IFT140: variants seen among roughly 807,000 people sequenced by gnomAD.
IFT140 encodes intraflagellar transport 140.
A neutral mutation model predicts 164.6 loss-of-function variants in IFT140; 133 were observed. That is an observed-to-expected ratio of 0.81 (90% CI 0.70 to 0.93). The LOEUF (loss-of-function observed/expected upper bound fraction) is 0.93, where lower values mean the gene tolerates loss of function less well. Ranked by LOEUF, IFT140 falls within the 40% of genes least tolerant of loss-of-function variation. The probability of loss-of-function intolerance (pLI) is 0.00; values close to 1 mark genes in which losing one functional copy is unlikely to be tolerated. For missense variants in IFT140, 2,045 were observed against 1,972.3 expected, an observed-to-expected ratio of 1.04 and a Z score of -0.70; for synonymous variants, 860 against 817.3, an observed-to-expected ratio of 1.05 and a Z score of -0.89.
chr16:1,526,839 C>G (rs2040716608), intron 19 of IFT140, 43 bp from the exon 20 acceptor site: 1 of 1,571,762 alleles, frequency 6.4e-7, no homozygotes, highest in African/African-American at 1.3e-5. Flanking sequence ...CCCAGCACCT[C>G]AGGGCCCCCT....
chr16:1,543,208 G>A (rs575441489), intron 19 of IFT140, among the ~76,000 whole-genome samples: 3 of 152,380 alleles, frequency 2.0e-5, no homozygotes, highest in Admixed American at 6.5e-5. Context: ...TCTCCTCCTC[G>A]AGGCCGGTGC....
At chr16:1,579,874 G>A (rs1377517434) in intron 13 of IFT140, among the ~76,000 whole-genome samples, 2 of 151,022 alleles carry the variant, frequency 1.3e-5, no homozygotes, top group Non-Finnish European at 2.9e-5. Flanking sequence ...TGAGGCAGGA[G>A]AATCGCTTGT....
intron 4 of IFT140, among the ~76,000 whole-genome samples, chr16:1,594,602 A>T (rs1296061989): frequency 6.6e-6 from 1 of 152,196 alleles, no homozygotes; most frequent in Non-Finnish European, 1.5e-5. Context: ...TGGGGTAAGA[A>T]GTGAAGTCCT....
chr16:1,542,842 C>T (rs2031779538), intron 19 of IFT140, among the ~76,000 whole-genome samples: 1 of 152,232 alleles, frequency 6.6e-6, no homozygotes, highest in South Asian at 2.1e-4. Flanking sequence ...TCAGAGCCTC[C>T]TCTCAACGCT....
At chr16:1,515,426 A>C (rs2040309242) in intron 30 of IFT140, among the ~76,000 whole-genome samples, 1 of 152,182 alleles carries the variant, frequency 6.6e-6, no homozygotes, top group Non-Finnish European at 1.5e-5. Context: ...ATTTTTTTTG[A>C]ATCAGGATCT....
chr16:1,534,501 C>T, intron 19 of IFT140: 1 of 1,609,096 alleles, frequency 6.2e-7, no homozygotes, highest in Admixed American at 1.7e-5. Context: ...CTGTGAGGCG[C>T]TGGGCTGGGG....
chr16:1,591,703 T>C (rs955748344), intron 6 of IFT140, among the ~76,000 whole-genome samples: 18 of 152,242 alleles, frequency 1.2e-4, no homozygotes, highest in African/African-American at 4.3e-4. Flanking sequence ...CCACACGGTG[T>C]CCAGCGCTGA....
intron 30 of IFT140, among the ~76,000 whole-genome samples, chr16:1,516,405 G>A (rs1441968444): frequency 6.6e-6 from 1 of 151,956 alleles, no homozygotes; most frequent in Non-Finnish European, 1.5e-5. Context: ...AATCTCCAGG[G>A]CAAACACTAG....
chr16:1,557,373 T>C (rs1031398839), intron 19 of IFT140, among the ~76,000 whole-genome samples: 4 of 152,212 alleles, frequency 2.6e-5, no homozygotes, highest in African/African-American at 9.6e-5. Flanking sequence ...ACAGGCATTA[T>C]CACTGCACGT....
At chr16:1,602,660 G>A in intron 3 of IFT140, 69 bp from the exon 4 acceptor site, 1 of 1,432,228 alleles carries the variant, frequency 7.0e-7, no homozygotes, top group Non-Finnish European at 9.6e-7. Flanking sequence ...CTTCTGTCTA[G>A]GCCGGGCACG....
chr16:1,562,221 T>C (rs2033453113), intron 17 of IFT140, 105 bp from the exon 18 acceptor site: 15 of 973,976 alleles, frequency 1.5e-5, no homozygotes, highest in East Asian at 2.8e-5. Context: ...GGTGGGGTCG[T>C]TGCTACACAC....
chr16:1,524,372 T>C (rs1410077889), intron 24 of IFT140, 180 bp downstream of exon 24: 4 of 729,868 alleles, frequency 5.5e-6, no homozygotes, highest in Non-Finnish European at 8.5e-6. Flanking sequence ...CAATGTCAGA[T>C]GGAAGCGGCC....
Position 1,592,570 on chromosome 16 carries a change from A to G in IFT140, c.388T>C (p.Trp130Arg), listed in dbSNP as rs147773934. The G allele has an allele frequency of 1.7e-5, 27 of 1,614,046 alleles. 1 individual carries two copies. The highest frequency in any genetic ancestry group is 2.1e-5 in the Non-Finnish European group (25 of 1,180,024). ...ACTCGGCCCCTTTGGTCCAACCTCC[A>G]CAAGAGCAAGACACCAAGCTGGAAA... ...SGDRLGVLLL[W>R]RLDQRGRVQG... is the part of the protein sequence containing the mutation. The change falls in exon 5 of 31, where the codon TGG (tryptophan) becomes CGG (arginine). Residue 130 changes from tryptophan (W) to arginine (R), a missense_variant. Physicochemically the swap from Trp to Arg is moderately radical, Grantham distance 101. Transcript: ENST00000426508.
intron 17 of IFT140, 111 bp downstream of exon 17, chr16:1,563,886 C>A: frequency 8.3e-7 from 1 of 1,199,358 alleles, no homozygotes; most frequent in Non-Finnish European, 1.1e-6. Flanking sequence ...CTTGGCCTCC[C>A]ACAGTGCCGG....
At chr16:1,571,668 A>C (rs2034020535) in intron 13 of IFT140, 134 bp from the exon 14 acceptor site, 2 of 945,584 alleles carry the variant, frequency 2.1e-6, no homozygotes, top group Non-Finnish European at 1.5e-6. Flanking sequence ...AACCTTGTAC[A>C]CTCCACTCAT....
intron 26 of IFT140, among the ~76,000 whole-genome samples, chr16:1,522,627 T>C (rs761120109): frequency 2.2e-4 from 33 of 151,904 alleles, no homozygotes; most frequent in Non-Finnish European, 4.4e-4. Flanking sequence ...GATCACGAGG[T>C]CAAGAGATCG....
intron 12 of IFT140, among the ~76,000 whole-genome samples, chr16:1,581,322 G>A (rs529686807): frequency 4.6e-5 from 7 of 152,232 alleles, no homozygotes; most frequent in East Asian, 3.9e-4. Context: ...ATCTAGAGGC[G>A]GGCCTGGTGG....
At chr16:1,520,468 G>C in intron 27 of IFT140, 125 bp from the exon 28 acceptor site, 1 of 1,330,310 alleles carries the variant, frequency 7.5e-7, no homozygotes, top group Non-Finnish European at 1.0e-6. Context: ...AGATCTTAGT[G>C]GTTGTGCTCT....
chr16:1,519,704 G>A (rs1431325520), intron 29 of IFT140, among the ~76,000 whole-genome samples, 177 bp downstream of exon 29: 1 of 152,234 alleles, frequency 6.6e-6, no homozygotes, highest in African/African-American at 2.4e-5. Flanking sequence ...TCCCAAGGCT[G>A]TGCCCGGGCT....
Sources: gnomAD v4.1 joint callset for allele counts (sites outside exome capture counted in the v4.1 genomes callset) on GRCh38, gnomAD v4.1.1 for gene constraint, MANE v1.5 for transcripts, NCBI Gene and HGNC (gene_info 2026-07-23, HGNC 2026-07-21) for gene names.